Variants in CLNK observed in about 807,000 individuals in gnomAD.
The protein encoded by CLNK is cytokine-dependent hematopoietic cell linker.
Under a neutral mutation model 68.6 loss-of-function variants are expected in CLNK, and 74 were observed. The ratio of observed to expected loss-of-function variants is 1.08; its 90% CI spans 0.89 to 1.31. CLNK has a LOEUF of 1.31. Ranked by LOEUF, CLNK falls within the 50% of genes most tolerant of loss-of-function variation. The pLI, the probability that CLNK is intolerant of heterozygous loss-of-function variation, is 0.00. For synonymous variants in CLNK, 198 were observed against 172.2 expected (o/e 1.15, Z -1.17); for missense variants, 553 against 515.3 (o/e 1.07, Z -0.71).
the CLNK span, among the ~76,000 whole-genome samples, chr4:10,691,606 C>CAA: frequency 1.4e-3 from 204 of 148,504 alleles, no homozygotes; most frequent in East Asian, 4.9e-3. Flanking sequence ...TCCATAACAG[C>CAA]AAAAAAAAAA....
chr4:10,573,787 G>C (rs1440548084), intron 4 of CLNK, among the ~76,000 whole-genome samples: 1 of 152,124 alleles, frequency 6.6e-6, no homozygotes, highest in Non-Finnish European at 1.5e-5. Flanking sequence ...TCCAGCCTGA[G>C]ACTCTCCCAG....
At chr4:10,691,745 G>T in the CLNK span, among the ~76,000 whole-genome samples, 1 of 152,120 alleles carries the variant, frequency 6.6e-6, no homozygotes. Flanking sequence ...AAATTGGCAG[G>T]ACAAAGGGCC....
the CLNK span, among the ~76,000 whole-genome samples, chr4:10,717,453 G>A: frequency 2.6e-5 from 4 of 152,170 alleles, no homozygotes; most frequent in Admixed American, 6.5e-5. Flanking sequence ...AAAATCAGCC[G>A]GATGTGGTTA....
the CLNK span, among the ~76,000 whole-genome samples, chr4:10,704,217 G>A: frequency 2.1e-4 from 32 of 152,240 alleles, no homozygotes; most frequent in South Asian, 1.5e-3. Context: ...ACCCTAAGTC[G>A]TTGCAATCCA....
chr4:10,499,181 T>C (rs183948371), intron 18 of CLNK, among the ~76,000 whole-genome samples: 260 of 152,228 alleles, frequency 1.7e-3, no homozygotes, highest in Middle Eastern at 0.014. Context: ...AAAAATCAAA[T>C]GTTTAGCCAA....
At chr4:10,623,738 A>C (rs1482003668) in intron 2 of CLNK, among the ~76,000 whole-genome samples, 1 of 152,252 alleles carries the variant, frequency 6.6e-6, no homozygotes, top group African/African-American at 2.4e-5. Flanking sequence ...CTCCTTGTTT[A>C]GAAGGGAAAT....
Position 10,600,802 on chromosome 4 carries a change from G to A in CLNK, c.12-2753C>T, listed in dbSNP as rs372695066. Among the ~76,000 whole-genome samples the A allele has an allele frequency of 3.9e-5, 6 of 152,202 alleles. No individual in the cohort carries two copies. In the South Asian group the frequency reaches 1.2e-3, roughly 32 times the overall value. ...GAGTTCTGGCCTATCCCTGCACTGAGTAGGAGCCCTCACTTTCATCATGTC... is the reference window on the plus strand; with the variant it reads ...GAGTTCTGGCCTATCCCTGCACTGAATAGGAGCCCTCACTTTCATCATGTC... On this transcript the variant is annotated intron_variant, in intron 2 of 18. Transcript: ENST00000226951.
chr4:10,561,924 T>C (rs1426092643), intron 7 of CLNK, among the ~76,000 whole-genome samples: 1 of 152,196 alleles, frequency 6.6e-6, no homozygotes, highest in Non-Finnish European at 1.5e-5. Context: ...TTCATTCATT[T>C]AACCAATATC....
intron 2 of CLNK, among the ~76,000 whole-genome samples, chr4:10,656,822 G>C (rs1670323191): frequency 6.6e-6 from 1 of 152,102 alleles, no homozygotes; most frequent in South Asian, 2.1e-4. Flanking sequence ...ATTGACTGGA[G>C]AGTGTATAAA....
At chr4:10,520,061 A>G (rs1359129986) in intron 15 of CLNK, among the ~76,000 whole-genome samples, 3 of 151,512 alleles carry the variant, frequency 2.0e-5, no homozygotes, top group Non-Finnish European at 4.4e-5. Context: ...TTTTGGCTCA[A>G]CAAAGAGAGA....
intron 8 of CLNK, among the ~76,000 whole-genome samples, chr4:10,555,830 T>C (rs1719654125): frequency 6.7e-6 from 1 of 148,394 alleles, no homozygotes; most frequent in Non-Finnish European, 1.5e-5. Flanking sequence ...TTAAGCAAGA[T>C]GCCTGATCCT....
chr4:10,672,152 A>G (rs1298802653), intron 1 of CLNK, among the ~76,000 whole-genome samples: 1 of 152,200 alleles, frequency 6.6e-6, no homozygotes, highest in African/African-American at 2.4e-5. Flanking sequence ...GTGACCCCAT[A>G]GTACTCAGAC....
Position 10,504,160 on chromosome 4 carries a change from G to A in CLNK, c.985-2749C>T, listed in dbSNP as rs543715226. Among the ~76,000 whole-genome samples the A allele has an allele frequency of 1.1e-4, 13 of 115,734 alleles. 1 individual carries two copies. In the East Asian group the frequency reaches 2.1e-3, roughly 18 times the overall value. 75.9% of individuals were successfully genotyped at this position (115,734 alleles called of 152,430 possible). On this transcript the variant is annotated intron_variant, in intron 17 of 18. Transcript: ENST00000226951. Reference sequence around the variant, plus strand: ...TTTTGAGATGGAGTCATGCTCTGTCGCCCAGGTTGGAGTGCAGTGGCTCAA... The same window carrying A: ...TTTTGAGATGGAGTCATGCTCTGTCACCCAGGTTGGAGTGCAGTGGCTCAA...
the CLNK span, among the ~76,000 whole-genome samples, chr4:10,698,796 A>G: frequency 6.6e-6 from 1 of 152,208 alleles, no homozygotes; most frequent in Admixed American, 6.5e-5. Context: ...ATTACTGTGC[A>G]GGTGTTTCTG....
chr4:10,732,313 A>C, the CLNK span, among the ~76,000 whole-genome samples: 2 of 152,216 alleles, frequency 1.3e-5, no homozygotes, highest in African/African-American at 4.8e-5. Context: ...CGGATTTAAC[A>C]GGATTTGAGG....
Position 10,540,563 on chromosome 4 carries a change from G to C in CLNK, c.533C>G (p.Pro178Arg), listed in dbSNP as rs201702691. 2.5e-6 allele frequency: 4 copies of C among 1,613,788 alleles called. No individual in the cohort carries two copies. The highest frequency in any genetic ancestry group is 1.7e-4 in the Middle Eastern group (1 of 6,058). ...TLPKKYQPLP[P>R]EPESSRPPLS... ...AGGTGGCCTGCTGCTCTCCGGCTCA[G>C]GGGGCAAGGGTTGGTACTTCTTCGG... Residue 178 changes from proline (P) to arginine (R), a missense_variant, in exon 11 of 19, where the codon CCT becomes CGT. Pro to Arg is a moderately radical substitution (Grantham distance 103). Coordinates refer to ENST00000226951, the MANE Select transcript of CLNK (RefSeq NM_052964.4).
chr4:10,541,839 G>A (rs1383651452), intron 10 of CLNK, among the ~76,000 whole-genome samples, 183 bp downstream of exon 10: 2 of 151,708 alleles, frequency 1.3e-5, no homozygotes, highest in Non-Finnish European at 2.9e-5. Context: ...ATAGATGAAT[G>A]AAGGCTTGTT....
chr4:10,664,895 G>C (rs1004981284), intron 2 of CLNK, among the ~76,000 whole-genome samples: 1 of 152,220 alleles, frequency 6.6e-6, no homozygotes, highest in African/African-American at 2.4e-5. Flanking sequence ...ACTGATGGAG[G>C]CGTTCTAATT....
chr4:10,564,907 C>A (rs927895114), intron 6 of CLNK, 130 bp from the exon 7 acceptor site: 1 of 661,182 alleles, frequency 1.5e-6, no homozygotes, highest in African/African-American at 1.8e-5. Context: ...ATTCTGCTTT[C>A]ATTTAACAGA....
Sources: allele counts gnomAD v4.1 joint callset (sites outside exome capture counted in the v4.1 genomes callset), GRCh38; gene constraint gnomAD v4.1.1; transcripts MANE v1.5; gene names NCBI Gene and HGNC (gene_info 2026-07-23, HGNC 2026-07-21).